Variants in VPS13C observed in about 807,000 individuals in gnomAD.
VPS13C encodes intermembrane lipid transfer protein VPS13C.
In VPS13C, 358 loss-of-function variants were observed where a neutral mutation model predicts 456.8. That is an observed-to-expected ratio of 0.78 (90% confidence interval 0.72 to 0.86). The LOEUF (loss-of-function observed/expected upper bound fraction) is 0.86, where lower values mean the gene tolerates loss of function less well. Ranked by LOEUF, VPS13C falls within the 40% of genes least tolerant of loss-of-function variation. The probability of loss-of-function intolerance (pLI) is 0.00; values close to 1 mark genes in which losing one functional copy is unlikely to be tolerated. For missense variants in VPS13C, 4,818 were observed against 4,385.4 expected (o/e 1.10, Z -2.79); for synonymous variants, 1,578 against 1,486.7 (o/e 1.06, Z -1.41).
intron 37 of VPS13C, among the ~76,000 whole-genome samples, chr15:61,955,752 A>G (rs1417696167): frequency 6.6e-6 from 1 of 152,208 alleles, no homozygotes; most frequent in African/African-American, 2.4e-5. Flanking sequence ...AACAAATTTT[A>G]TTCATTAAAA....
intron 1 of VPS13C, among the ~76,000 whole-genome samples, chr15:62,048,092 T>C: frequency 6.6e-6 from 1 of 150,658 alleles, no homozygotes; most frequent in Non-Finnish European, 1.5e-5. Flanking sequence ...TCATTTGTTC[T>C]CATTTTCTTT....
chr15:61,950,296 T>C, intron 41 of VPS13C, 62 bp downstream of exon 41: 1 of 1,206,514 alleles, frequency 8.3e-7, no homozygotes, highest in Non-Finnish European at 1.2e-6. Flanking sequence ...CAGTTGAAAA[T>C]GGCTATGAAG....
chr15:61,873,659 C>CA (rs928843777), intron 77 of VPS13C, among the ~76,000 whole-genome samples: 7 of 151,226 alleles, frequency 4.6e-5, no homozygotes, highest in East Asian at 3.9e-4. Context: ...ATAAAAAAGA[C>CA]AAAAAAAATC....
At chr15:61,899,541 A>G (rs1360945013) in intron 66 of VPS13C, among the ~76,000 whole-genome samples, 1 of 151,420 alleles carries the variant, frequency 6.6e-6, no homozygotes, top group Non-Finnish European at 1.5e-5. Context: ...CGACACATAC[A>G]CTCTCCCAAG....
chr15:61,869,638 T>C lies in VPS13C; in HGVS notation c.10625-15A>G, dbSNP rs928897373. On this transcript the variant is annotated splice_polypyrimidine_tract_variant and intron_variant, in intron 79 of 84. Transcript: ENST00000644861. ...CTTTTTGGCACCTTCAGAAAACCAATGACCATGAATGGATAAAGATATTTT... is the reference window on the plus strand; with the variant it reads ...CTTTTTGGCACCTTCAGAAAACCAACGACCATGAATGGATAAAGATATTTT... 6.2e-7 allele frequency: 1 copy of C among 1,613,606 alleles called. No homozygotes were observed. Among genetic ancestry groups the C allele is most frequent in the Non-Finnish European group, 8.5e-7 (1 of 1,179,890 alleles).
intron 68 of VPS13C, among the ~76,000 whole-genome samples, chr15:61,883,071 C>G (rs921259669): frequency 1.3e-5 from 2 of 151,862 alleles, no homozygotes; most frequent in African/African-American, 4.8e-5. Context: ...CTTGCTGTCA[C>G]AAGTGCAGTG....
At chr15:62,037,247 ATATATTTATATATAT>A (rs1567136353) in intron 3 of VPS13C, among the ~76,000 whole-genome samples, 4 of 23,432 alleles carry the variant, frequency 1.7e-4, no homozygotes, top group Non-Finnish European at 3.3e-4. Context: ...AATATATATA[ATATATTTATATATAT>A]TATATTATAT....
chr15:61,931,172 C>T lies in VPS13C; in HGVS notation c.5956G>A (p.Asp1986Asn), dbSNP rs2044042906. The T allele has an allele frequency of 6.2e-7, 1 of 1,614,154 alleles. No individual in the cohort carries two copies. Among genetic ancestry groups the T allele is most frequent in the African/African-American group, 1.3e-5 (1 of 75,044 alleles). ...LMASSGKMFK[D>N]GSMNVSVKLK... Reference sequence around the variant, plus strand: ...TTAACGCTGACATTCATTGAGCCATCCTTAAACATCTTCCCTGAGGAGGCC... The same window carrying T: ...TTAACGCTGACATTCATTGAGCCATTCTTAAACATCTTCCCTGAGGAGGCC... Residue 1986 changes from aspartate (D) to asparagine (N), a missense_variant, in exon 50 of 85, where the codon GAT becomes AAT. Coordinates refer to ENST00000644861, the MANE Select transcript of VPS13C (RefSeq NM_020821.3).
At chr15:61,995,135 T>C (rs541776666) in intron 16 of VPS13C, among the ~76,000 whole-genome samples, 2 of 152,332 alleles carry the variant, frequency 1.3e-5, no homozygotes, top group Non-Finnish European at 2.9e-5. Context: ...CATTATTCTA[T>C]AAAAATTGCT....
In VPS13C at chr15:61,949,444, A is replaced by T; in HGVS notation, c.4758T>A (p.Ala1586=). Residue 1586 remains alanine, a splice_region_variant and synonymous_variant, in exon 42 of 85, where the codon GCT becomes GCA. Transcript: ENST00000644861. ...AGATCATAATTCAAAAATTATTACC[A>T]GCTTTGACAGCGATACTTCTGGACT... ...VGESRSIAVK[A]VSSNISQKDV... The T allele has an allele frequency of 1.9e-6, 3 of 1,604,966 alleles. No individual in the cohort carries two copies. The highest frequency in any genetic ancestry group is 2.5e-6 in the Non-Finnish European group (3 of 1,177,990).
chr15:61,925,994 A>G (rs566624617), intron 52 of VPS13C, among the ~76,000 whole-genome samples: 6 of 152,356 alleles, frequency 3.9e-5, no homozygotes, highest in African/African-American at 1.4e-4. Flanking sequence ...ATAAAAGTCA[A>G]TTCATCAAAT....
intron 15 of VPS13C, among the ~76,000 whole-genome samples, chr15:62,005,664 C>A (rs1215513326): frequency 6.7e-6 from 1 of 149,308 alleles, no homozygotes. Context: ...ACCGGTTGTT[C>A]CTTTCCATGT....
In VPS13C at chr15:61,909,032, T is replaced by C. The variant is rs758510944; in HGVS notation, c.8938A>G (p.Met2980Val). Residue 2980 changes from methionine to valine, a missense_variant, in exon 65 of 85, where the codon ATG (methionine) becomes GTG (valine). Physicochemically the swap from Met to Val is conservative, Grantham distance 21 (BLOSUM62 1). Around this residue, in one of 3 missense-constraint regions of VPS13C, gnomAD observed 4,552 missense variants for 4,130.6 expected, o/e 1.10. Coordinates refer to ENST00000644861, the MANE Select transcript of VPS13C (RefSeq NM_020821.3). ...YHEGSAPALI[M>V]NHTPWDILTY... ...AGGATGTCCCATGGTGTATGGTTCA[T>C]TATCAAGGCAGGTGCAGATCCCTCA... 3.1e-6 allele frequency: 5 copies of C among 1,614,088 alleles called. No individual in the cohort carries two copies. The highest frequency in any genetic ancestry group is 1.7e-6 in the Non-Finnish European group (2 of 1,179,998).
chr15:61,904,922 TA>T (rs963157520), intron 66 of VPS13C, among the ~76,000 whole-genome samples: 122 of 143,520 alleles, frequency 8.5e-4, no homozygotes, highest in Admixed American at 1.4e-3. Context: ...ATGTGGGAGC[TA>T]AAAAAAAAAA....
At chr15:61,983,619 G>T in intron 20 of VPS13C, 1 of 521,526 alleles carries the variant, frequency 1.9e-6, no homozygotes, top group Non-Finnish European at 3.3e-6. Flanking sequence ...AATAAACCTT[G>T]GAGTAGGGAA....
intron 37 of VPS13C, among the ~76,000 whole-genome samples, chr15:61,956,990 A>G (rs2045025191): frequency 6.6e-6 from 1 of 152,188 alleles, no homozygotes. Flanking sequence ...TAACTACGTC[A>G]AAGACACACA....
Position 61,964,798 on chromosome 15 carries a change from G to A in VPS13C, c.3115C>T (p.Leu1039Phe), listed in dbSNP as rs1419907991. The A allele has an allele frequency of 1.2e-6, 2 of 1,612,246 alleles. No homozygotes were observed. Among genetic ancestry groups the A allele is most frequent in the Non-Finnish European group, 1.7e-6 (2 of 1,178,982 alleles). The change falls in exon 31 of 85, where the codon CTC becomes TTC. Residue 1039 changes from leucine to phenylalanine, a missense_variant. Leu to Phe is a conservative substitution (Grantham distance 22). This residue lies in a region of VPS13C where 4,552 missense variants were observed against 4,130.6 expected (regional missense o/e 1.10). Transcript: ENST00000644861. ...TQALVASINY[L>F]TTIIPSDDQS... is the part of the protein sequence containing the mutation. ...TCATCAGATGGAATAATGGTTGTGA[G>A]GTAATTAATAGAAGCGACAAGAGCT...
intron 15 of VPS13C, among the ~76,000 whole-genome samples, chr15:62,002,421 C>A (rs1223834105): frequency 6.6e-6 from 1 of 151,964 alleles, no homozygotes; most frequent in Non-Finnish European, 1.5e-5. Flanking sequence ...GGATATTAGT[C>A]CTTTGTTAGA....
intron 66 of VPS13C, among the ~76,000 whole-genome samples, chr15:61,890,715 T>C (rs2042623176): frequency 6.6e-6 from 1 of 152,172 alleles, no homozygotes; most frequent in Non-Finnish European, 1.5e-5. Context: ...ATTCTTTGTC[T>C]CCAAGCCGGA....
Sources: gnomAD v4.1 joint callset for allele counts (sites outside exome capture counted in the v4.1 genomes callset) on GRCh38, gnomAD v4.1.1 for gene constraint, gnomAD v4.1.1 regional missense constraint, MANE v1.5 for transcripts, NCBI Gene and HGNC (gene_info 2026-07-23, HGNC 2026-07-21) for gene names.